The following MCTP2 variants were observed in gnomAD, a reference collection of about 807,000 sequenced individuals.
MCTP2 encodes multiple C2 and transmembrane domain containing 2.
In MCTP2, 132 loss-of-function variants were observed where a neutral mutation model predicts 111.6. The observed-to-expected ratio is 1.18, with a 90% confidence interval of 1.03 to 1.37. MCTP2 has a LOEUF of 1.37. Ranked by LOEUF, MCTP2 falls within the 40% of genes most tolerant of loss-of-function variation. The pLI is 0.00. For missense variants in MCTP2, 1,183 were observed against 1,067.9 expected, an observed-to-expected ratio of 1.11 and a Z score of -1.50; for synonymous variants, 395 against 387.7, an observed-to-expected ratio of 1.02 and a Z score of -0.22.
At chr15:94,352,434 AAGAC>A (rs1350967828) in intron 8 of MCTP2, among the ~76,000 whole-genome samples, 4 of 152,202 alleles carry the variant, frequency 2.6e-5, no homozygotes, top group Non-Finnish European at 4.4e-5. Flanking sequence ...GGGGCTGAGA[AAGAC>A]AGAGCAGATG....
intron 4 of MCTP2, among the ~76,000 whole-genome samples, chr15:94,323,923 A>G (rs1295473342): frequency 1.3e-5 from 2 of 151,478 alleles, no homozygotes; most frequent in Non-Finnish European, 2.9e-5. Flanking sequence ...TATATTCCCC[A>G]TTTCCTTTCC....
intron 21 of MCTP2, among the ~76,000 whole-genome samples, chr15:94,473,913 G>C (rs2074128592): frequency 6.6e-6 from 1 of 151,822 alleles, no homozygotes; most frequent in African/African-American, 2.4e-5. Flanking sequence ...AATGTGCAAA[G>C]CAGCCATGCA....
chr15:94,367,376 G>T (rs1293785215), intron 10 of MCTP2, among the ~76,000 whole-genome samples: 1 of 152,016 alleles, frequency 6.6e-6, no homozygotes, highest in Non-Finnish European at 1.5e-5. Context: ...TCCATCTGCC[G>T]ATGCTGCCTT....
chr15:94,349,187 G>C (rs2078161800), intron 8 of MCTP2, among the ~76,000 whole-genome samples: 1 of 152,114 alleles, frequency 6.6e-6, no homozygotes, highest in Non-Finnish European at 1.5e-5. Flanking sequence ...ATGACTTCTA[G>C]AGGCTTTCCT....
chr15:94,338,571 CG>C (rs1025079003), intron 4 of MCTP2, among the ~76,000 whole-genome samples: 1 of 143,040 alleles, frequency 7.0e-6, no homozygotes, highest in African/African-American at 2.7e-5. Context: ...TTGCTTTGGG[CG>C]GAGTGACTGG....
rs183378809 is a variant in MCTP2 at position 94,245,092 on chromosome 15, A to G, written c.-66+13428A>G. On this transcript the variant is annotated intron_variant, in intron 1 of 22. Transcript: ENST00000357742. ...TGTTTACGTATATGTATACACATAC[A>G]TATGTACCTATGTTTATATATGTAT... 2.0e-5 allele frequency among the ~76,000 whole-genome samples: 3 copies of G among 149,826 alleles called. No individual in the cohort carries two copies. The East Asian group carries it at 6.0e-4, about 30-fold the overall frequency.
At chr15:94,387,425 A>C (rs1377734663) in intron 14 of MCTP2, among the ~76,000 whole-genome samples, 2 of 152,160 alleles carry the variant, frequency 1.3e-5, no homozygotes, top group Non-Finnish European at 1.5e-5. Context: ...CTTCCAGTCA[A>C]GAACCGCTGA....
intron 1 of MCTP2, among the ~76,000 whole-genome samples, chr15:94,263,891 G>A (rs1000310804): frequency 6.6e-6 from 1 of 152,246 alleles, no homozygotes; most frequent in South Asian, 2.1e-4. Flanking sequence ...TCAGACTAGA[G>A]TAAATTTTTA....
intron 4 of MCTP2, 121 bp from the exon 5 acceptor site, chr15:94,339,169 C>G (rs747871933): frequency 1.1e-4 from 73 of 681,710 alleles, no homozygotes; most frequent in Non-Finnish European, 1.6e-4. Flanking sequence ...TCTCCGAGCC[C>G]TTTAATCTCT....
At chr15:94,346,417 C>G (rs980317530) in intron 8 of MCTP2, among the ~76,000 whole-genome samples, 1 of 152,078 alleles carries the variant, frequency 6.6e-6, no homozygotes, top group East Asian at 1.9e-4. Context: ...ATTCCTTCAA[C>G]ATTTGCCTTA....
intron 1 of MCTP2, among the ~76,000 whole-genome samples, chr15:94,256,290 C>T (rs1187169885): frequency 6.6e-6 from 1 of 151,948 alleles, no homozygotes; most frequent in Non-Finnish European, 1.5e-5. Flanking sequence ...GGGTCCTGTC[C>T]CCAAGACATC....
chr15:94,243,951 GTATA>G (rs201794185), intron 1 of MCTP2, among the ~76,000 whole-genome samples: 2 of 143,584 alleles, frequency 1.4e-5, no homozygotes, highest in African/African-American at 2.6e-5. Flanking sequence ...ACATATATGT[GTATA>G]TATTTACACA....
chr15:94,324,403 G>GCCCT (rs2076764350), intron 4 of MCTP2, among the ~76,000 whole-genome samples: 1 of 152,178 alleles, frequency 6.6e-6, no homozygotes, highest in Non-Finnish European at 1.5e-5. Context: ...TGTTGCTGGT[G>GCCCT]CCCTCTTGTG....
At chr15:94,451,125 T>C (rs927733829) in intron 19 of MCTP2, among the ~76,000 whole-genome samples, 5 of 152,226 alleles carry the variant, frequency 3.3e-5, no homozygotes, top group African/African-American at 1.2e-4. Flanking sequence ...TTGTTCTTAG[T>C]TCTGCTTACA....
At chr15:94,371,030 C>T (rs2079455723) in intron 12 of MCTP2, among the ~76,000 whole-genome samples, 1 of 151,906 alleles carries the variant, frequency 6.6e-6, no homozygotes, top group South Asian at 2.1e-4. Context: ...CTCTAAATTT[C>T]TGAGACTGAG....
chr15:94,350,096 G>C (rs866358275), intron 8 of MCTP2, among the ~76,000 whole-genome samples: 1 of 152,180 alleles, frequency 6.6e-6, no homozygotes, highest in South Asian at 2.1e-4. Flanking sequence ...CCAGGTGACT[G>C]TCAAGCACCT....
chr15:94,256,154 A>G (rs1380119882), intron 1 of MCTP2, among the ~76,000 whole-genome samples: 1 of 152,180 alleles, frequency 6.6e-6, no homozygotes, highest in Non-Finnish European at 1.5e-5. Flanking sequence ...ACCCTGTGTG[A>G]TGGGTCACAG....
intron 12 of MCTP2, among the ~76,000 whole-genome samples, chr15:94,381,597 C>T (rs951453437): frequency 3.9e-5 from 6 of 152,194 alleles, no homozygotes; most frequent in South Asian, 2.1e-4. Context: ...AAGTGTCAGA[C>T]GGTTTCCCTG....
At chr15:94,323,872 A>G (rs1034949050) in intron 4 of MCTP2, among the ~76,000 whole-genome samples, 2 of 150,374 alleles carry the variant, frequency 1.3e-5, no homozygotes, top group East Asian at 3.9e-4. Flanking sequence ...TGCTCTTTCT[A>G]CTCTCCTTTT....
Sources: allele counts gnomAD v4.1 joint callset (sites outside exome capture counted in the v4.1 genomes callset), GRCh38; gene constraint gnomAD v4.1.1; transcripts MANE v1.5; gene names NCBI Gene and HGNC (gene_info 2026-07-23, HGNC 2026-07-21).